PXDN: variants seen among roughly 807,000 people sequenced by gnomAD.
PXDN encodes the protein peroxidasin homolog.
In PXDN, 77 loss-of-function variants were observed where a neutral mutation model predicts 140.3. The ratio of observed to expected loss-of-function variants is 0.55; its 90% CI spans 0.46 to 0.66. The LOEUF (loss-of-function observed/expected upper bound fraction) is 0.66. PXDN is among the 30% of genes least tolerant of loss of function. The pLI, the probability that PXDN is intolerant of heterozygous loss-of-function variation, is 0.00. For missense variants in PXDN, 1,838 were observed against 2,039.5 expected, an observed-to-expected ratio of 0.90 and a Z score of 1.90; for synonymous variants, 911 against 857.4, an observed-to-expected ratio of 1.06 and a Z score of -1.09.
intron 16 of PXDN, among the ~76,000 whole-genome samples, chr2:1,650,904 G>C (rs1483018489): frequency 6.6e-6 from 1 of 152,052 alleles, no homozygotes; most frequent in African/African-American, 2.4e-5. Flanking sequence ...GAAAACAAGA[G>C]ACAGCCCCTT....
Position 1,638,838 on chromosome 2 carries a change from C to T in PXDN, c.4206+8G>A, listed in dbSNP as rs996087470. On this transcript the variant is annotated splice_region_variant and intron_variant, in intron 21 of 22. Transcript: ENST00000252804. ...GAGTGGGGGGACACAGGCCGCCAGG[C>T]ACCTCACCTGTGTTCTGAGGTCTGT... 6 of 1,613,828 alleles carry T rather than the reference C, an allele frequency of 3.7e-6. No homozygotes were observed. Among genetic ancestry groups the T allele is most frequent in the Non-Finnish European group, 4.2e-6 (5 of 1,179,872 alleles).
chr2:1,648,063 CACG>C lies in PXDN; in HGVS notation c.3608+106_3608+108del, dbSNP rs1682893416. Reference sequence around the variant, plus strand: ...GGACTTGACCTTCATCTCACCTCTGCACGACACGAACAAAACTCACACACAGAG... The same window carrying C: ...GGACTTGACCTTCATCTCACCTCTGCACACGAACAAAACTCACACACAGAG... On this transcript the variant is annotated intron_variant, in intron 17 of 22. Coordinates refer to ENST00000252804, the MANE Select transcript of PXDN (RefSeq NM_012293.3). The surrounding 1 kb of genome is among the most constrained non-coding windows in gnomAD (Gnocchi z 8.9). 9 of 1,425,528 alleles carry C rather than the reference CACG, an allele frequency of 6.3e-6. No homozygotes were observed. Among genetic ancestry groups the C allele is most frequent in the African/African-American group, 1.4e-5 (1 of 70,130 alleles). The allele number at this position is 1,425,528 out of a possible 1,614,324, so 88.3% of individuals were successfully genotyped here.
Position 1,654,077 on chromosome 2 carries a change from C to A in PXDN, c.1947-292G>T, listed in dbSNP as rs145218501. On this transcript the variant is annotated intron_variant, in intron 15 of 22. Transcript: ENST00000252804. The stretch of plus-strand genomic sequence containing the variant: ...ACTGCTTTGGAATCAGCAACGTGAA[C>A]AAATACACTAATGACTTTTAAACTA... The A allele has an allele frequency of 3.7e-4, 184 of 491,214 alleles. 1 individual carries two copies. Among genetic ancestry groups the A allele is most frequent in the African/African-American group, 3.3e-3 (170 of 51,952 alleles). The allele number at this position is 491,214 out of a possible 1,614,324, so 30.4% of individuals were successfully genotyped here. A position where few individuals can be genotyped will look rare whatever the true frequency, so the allele number is the denominator to read the frequency against.
intron 1 of PXDN, among the ~76,000 whole-genome samples, chr2:1,720,643 A>ATG (rs1286675840): frequency 3.3e-5 from 5 of 150,852 alleles, no homozygotes; most frequent in African/African-American, 1.2e-4. Context: ...CTCTCTCTGC[A>ATG]TCTCTTTCTC....
rs1490012552 is a variant in PXDN, at chr2:1,651,496, A to T, written c.2105-1821T>A. 1.3e-5 allele frequency among the ~76,000 whole-genome samples: 2 copies of T among 152,192 alleles called. No homozygotes were observed. Among genetic ancestry groups the T allele is most frequent in the Non-Finnish European group, 2.9e-5 (2 of 68,036 alleles). ...GGAAACCCTAAGGTTCCCATTTCAT[A>T]CACAGCCAACGACATATCCTTATAT... On this transcript the variant is annotated intron_variant, in intron 16 of 22. Coordinates refer to ENST00000252804, the MANE Select transcript of PXDN (RefSeq NM_012293.3). The surrounding 1 kb of genome is among the most constrained non-coding windows in gnomAD (Gnocchi z 4.4).
chr2:1,664,457 A>G (rs1243092117), intron 11 of PXDN: 1 of 156,528 alleles, frequency 6.4e-6, no homozygotes, highest in African/African-American at 2.4e-5. Flanking sequence ...CCCATTGAAG[A>G]AAGAGGGCTA....
chr2:1,664,212 G>A (rs1039091346), intron 11 of PXDN: 15 of 164,208 alleles, frequency 9.1e-5, no homozygotes, highest in African/African-American at 3.6e-4. Context: ...GCAGGCACAA[G>A]CCTCCTCCCC....
In PXDN at chr2:1,634,242, G is replaced by C; in HGVS notation, c.4402C>G (p.Pro1468Ala). The change falls in exon 23 of 23, where the codon CCA becomes GCA. Residue 1468 changes from proline to alanine, a missense_variant. Coordinates refer to ENST00000252804, the MANE Select transcript of PXDN (RefSeq NM_012293.3). ...VPVNIPGACCPVCLQKRAEEK... is the reference protein window; with the variant it reads ...VPVNIPGACCAVCLQKRAEEK... ...TCCGCCCTCTTCTGTAAGCAGACTGGACAGCAGGCCCCTGGGATGTTCACG... is the reference window on the plus strand; with the variant it reads ...TCCGCCCTCTTCTGTAAGCAGACTGCACAGCAGGCCCCTGGGATGTTCACG... 1.2e-6 allele frequency: 2 copies of C among 1,605,460 alleles called. No homozygotes were observed. The highest frequency in any genetic ancestry group is 1.7e-6 in the Non-Finnish European group (2 of 1,176,194).
intron 1 of PXDN, among the ~76,000 whole-genome samples, chr2:1,723,685 T>C (rs901197877): frequency 6.6e-6 from 1 of 151,832 alleles, no homozygotes; most frequent in Non-Finnish European, 1.5e-5. Context: ...AATGGATGGA[T>C]GGATGGATGG....
rs2125422522 is a variant in PXDN, at chr2:1,660,515, A to C, written c.1837+366T>G. Among the ~76,000 whole-genome samples the C allele has an allele frequency of 6.6e-6, 1 of 152,354 alleles. No individual in the cohort carries two copies. Among genetic ancestry groups the C allele is most frequent in the South Asian group, 2.1e-4 (1 of 4,826 alleles). On this transcript the variant is annotated intron_variant, in intron 14 of 22. Coordinates refer to ENST00000252804, the MANE Select transcript of PXDN (RefSeq NM_012293.3). This position sits in a 1 kb window ranked among gnomAD's most constrained non-coding sequence, Gnocchi z 4.6. ...TAAGGAATCAGAATCTCTTCAAGCA[A>C]CCATATTTGCCAAATTGTAACTGTA... is the stretch of plus-strand genomic sequence containing the variant.
intron 14 of PXDN, among the ~76,000 whole-genome samples, chr2:1,656,890 A>T (rs1232422020): frequency 7.1e-5 from 10 of 140,950 alleles, no homozygotes; most frequent in Non-Finnish European, 1.4e-4. Flanking sequence ...CTCTCCGGAC[A>T]GGGACCTACC....
chr2:1,636,292 C>T (rs1411773066), intron 21 of PXDN: 1 of 152,540 alleles, frequency 6.6e-6, no homozygotes, highest in Non-Finnish European at 1.5e-5. Flanking sequence ...ATAAATATCC[C>T]AATTCTTCTA....
intron 1 of PXDN, among the ~76,000 whole-genome samples, chr2:1,737,380 G>A (rs1410821925): frequency 6.6e-6 from 1 of 152,110 alleles, no homozygotes; most frequent in Non-Finnish European, 1.5e-5. Context: ...TCTAACCCAC[G>A]AAACAGCGGA....
chr2:1,711,173 TCTCCACCAGCACCCG>T (rs1185769170), intron 1 of PXDN, among the ~76,000 whole-genome samples: 6 of 95,944 alleles, frequency 6.3e-5, no homozygotes, highest in Non-Finnish European at 1.0e-4. Context: ...CAGCACCCAC[TCTCCACCAGCACCCG>T]CTCCACCAGC....
At chr2:1,720,722 T>A (rs62116645) in intron 1 of PXDN, among the ~76,000 whole-genome samples, 4,568 of 40,460 alleles carry the variant, frequency 0.11, 235 homozygotes, top group African/African-American at 0.15. Context: ...TCTCTCTCTC[T>A]CTCACACACA....
rs1400312091 is a variant in PXDN at position 1,648,824 on chromosome 2, T to C, written c.2956A>G (p.Ser986Gly). The C allele has an allele frequency of 2.5e-6, 4 of 1,602,508 alleles. No homozygotes were observed. The highest frequency in any genetic ancestry group is 1.3e-5 in the African/African-American group (1 of 74,750). The change falls in exon 17 of 23, where the codon AGC becomes GGC. Residue 986 changes from serine (S) to glycine (G), a missense_variant. Ser to Gly is a moderately conservative substitution (Grantham distance 56, BLOSUM62 0). Around this residue, in one of 5 missense-constraint regions of PXDN, gnomAD observed 850 missense variants for 894.1 expected, o/e 0.95. Transcript: ENST00000252804. This position sits in a 1 kb window ranked among gnomAD's most constrained non-coding sequence, Gnocchi z 8.9. ...TCGCGGAACCACAGCGTGTGCATGC[T>C]GGTCAGGCCCAGCTGCTCGTTGGCG... ...HRANEQLGLT[S>G]MHTLWFREHN...
chr2:1,663,105 A>T (rs1302273820), intron 12 of PXDN, among the ~76,000 whole-genome samples: 1 of 152,188 alleles, frequency 6.6e-6, no homozygotes, highest in Non-Finnish European at 1.5e-5. Context: ...CTCATTGGAG[A>T]GAACAGGCAA....
At chr2:1,743,184 G>A (rs1300678817) in intron 1 of PXDN, among the ~76,000 whole-genome samples, 2 of 152,250 alleles carry the variant, frequency 1.3e-5, no homozygotes, top group Non-Finnish European at 2.9e-5. Flanking sequence ...GCGGGGCGGA[G>A]GGATGGGGAT....
intron 1 of PXDN, among the ~76,000 whole-genome samples, chr2:1,708,472 C>A (rs2125465808): frequency 6.6e-6 from 1 of 152,284 alleles, no homozygotes; most frequent in East Asian, 1.9e-4. Flanking sequence ...AAGCCTCTTC[C>A]TGACTAGAAT....
Sources: gnomAD v4.1 joint callset for allele counts (sites outside exome capture counted in the v4.1 genomes callset) on GRCh38, gnomAD v4.1.1 for gene constraint, gnomAD v4.1.1 regional missense constraint, Gnocchi (gnomAD v3.1) non-coding constraint, MANE v1.5 for transcripts, NCBI Gene and HGNC (gene_info 2026-07-23, HGNC 2026-07-21) for gene names.